Variants in POC5 observed in about 807,000 individuals in gnomAD.
POC5 encodes the protein POC5 centriolar protein.
POC5 carries 48 observed loss-of-function variants against 62.9 expected under a neutral mutation model. That is an observed-to-expected ratio of 0.76 (90% CI 0.61 to 0.97). The LOEUF (loss-of-function observed/expected upper bound fraction) is 0.97, where lower values mean the gene tolerates loss of function less well. Among genes scored for constraint, POC5 ranks in the 50% least tolerant of loss-of-function variants. The pLI is 0.00. For synonymous variants in POC5, 236 were observed against 228.2 expected (o/e 1.03, Z -0.31); for missense variants, 696 against 679.5 (o/e 1.02, Z -0.27).
chr5:75,675,390 T>C (rs377294359), intron 11 of POC5, among the ~76,000 whole-genome samples: 3 of 152,318 alleles, frequency 2.0e-5, no homozygotes, highest in East Asian at 3.9e-4. Context: ...CAATTTCTAT[T>C]AGGGTCTTCC....
chr5:75,706,352 G>A (rs1156296435), intron 3 of POC5, among the ~76,000 whole-genome samples: 2 of 152,236 alleles, frequency 1.3e-5, no homozygotes, highest in South Asian at 2.1e-4. Context: ...AATGTGGGAT[G>A]ATGAATTTAC....
intron 2 of POC5, chr5:75,712,331 T>C: frequency 6.6e-7 from 1 of 1,508,600 alleles, no homozygotes; most frequent in Non-Finnish European, 9.2e-7. Flanking sequence ...TAAGAGAAAT[T>C]TAAAACATTT....
rs118061255 is a variant in POC5 at position 75,690,737 on chromosome 5, C to T, written c.796-175G>A. ...AGGCTTAGAGAGGTTAAGCAAGCTA[C>T]GTAGTTCACATAAGTAGATGAGTAA... On this transcript the variant is annotated intron_variant, in intron 7 of 11. Transcript: ENST00000428202. Among the ~76,000 whole-genome samples the T allele has an allele frequency of 3.9e-5, 6 of 152,296 alleles. No homozygotes were observed. In the East Asian group the frequency reaches 9.6e-4, roughly 24 times the overall value.
At chr5:75,688,444 C>T (rs17649055) in intron 9 of POC5, among the ~76,000 whole-genome samples, 37,243 of 151,938 alleles carry the variant, frequency 0.25, 4,782 homozygotes, top group South Asian at 0.32. Flanking sequence ...GGCTTTTCTA[C>T]GCCATGCTGA....
intron 7 of POC5, among the ~76,000 whole-genome samples, chr5:75,691,693 A>G (rs1214477022): frequency 6.7e-6 from 1 of 149,190 alleles, no homozygotes; most frequent in South Asian, 2.2e-4. Flanking sequence ...AGCTCACATG[A>G]ATATACATGG....
Position 75,705,704 on chromosome 5 carries a change from C to A in POC5, c.307G>T (p.Glu103Ter). 1 of 1,507,374 alleles carries A rather than the reference C, an allele frequency of 6.6e-7. No homozygotes were observed. The highest frequency in any genetic ancestry group is 1.4e-5 in the African/African-American group (1 of 71,506). 93.4% of individuals were successfully genotyped at this position (1,507,374 alleles called of 1,614,324 possible). A position where few individuals can be genotyped will look rare whatever the true frequency, so the allele number is the denominator to read the frequency against. ...FHISSHSKTD[E>*]SSPVLSPRKP... The stretch of plus-strand genomic sequence containing the variant: ...CAAATAAGCTAAAGAAAAATCATAC[C>A]ATCTGTCTTTGAATGACTTGAAATA... The change falls in exon 4 of 12, where the codon GAG becomes TAG. Residue 103 changes from glutamate to a stop codon, truncating the protein, a stop_gained and splice_region_variant. Coordinates refer to ENST00000428202, the MANE Select transcript of POC5 (RefSeq NM_001099271.2). LOFTEE classifies it high-confidence loss of function.
At chr5:75,706,773 C>T (rs1479869860) in intron 3 of POC5, among the ~76,000 whole-genome samples, 1 of 152,032 alleles carries the variant, frequency 6.6e-6, no homozygotes, top group Non-Finnish European at 1.5e-5. Flanking sequence ...CTTGTCTCAA[C>T]CTCCTGGGCT....
chr5:75,695,072 C>G (rs897148753), intron 5 of POC5, among the ~76,000 whole-genome samples: 3 of 152,126 alleles, frequency 2.0e-5, no homozygotes, highest in Admixed American at 2.0e-4. Context: ...TGTATGAAAT[C>G]TTGTTGTCAC....
Position 75,674,226 on chromosome 5 carries a change from T to C in POC5, c.*209A>G. On this transcript the variant is annotated 3_prime_UTR_variant, in exon 12 of 12. Coordinates refer to ENST00000428202, the MANE Select transcript of POC5 (RefSeq NM_001099271.2). ...CTTTTTTAATTTAAAAAAGTTTTACTTAATTGCTTAAATAAAAAATAACAT... is the reference window on the plus strand; with the variant it reads ...CTTTTTTAATTTAAAAAAGTTTTACCTAATTGCTTAAATAAAAAATAACAT... 1 of 383,300 alleles carries C rather than the reference T, an allele frequency of 2.6e-6. No individual in the cohort carries two copies. The highest frequency in any genetic ancestry group is 4.5e-6 in the Non-Finnish European group (1 of 223,580). 23.7% of individuals were successfully genotyped at this position (383,300 alleles called of 1,614,324 possible).
Position 75,716,383 on chromosome 5 carries a change from T to TC in POC5, c.-15+922_-15+923insG, listed in dbSNP as rs1347540875. On this transcript the variant is annotated intron_variant, in intron 1 of 11. Transcript: ENST00000428202. ...TTTGAGACCAGGCAGGTAACAGGGG[T>TC]GGGGGGGGGGGGGTGCTGATTATTT... Among the ~76,000 whole-genome samples the TC allele has an allele frequency of 1.1e-3, 56 of 50,410 alleles. 1 individual carries two copies. The highest frequency in any genetic ancestry group is 3.5e-3 in the African/African-American group (48 of 13,874). The allele number at this position is 50,410 out of a possible 152,430, so 33.1% of individuals were successfully genotyped here. A position where few individuals can be genotyped will look rare whatever the true frequency, so the allele number is the denominator to read the frequency against.
rs779012261 is a variant in POC5 at position 75,689,172 on chromosome 5, T to C, written c.976-7A>G. 3 of 1,519,972 alleles carry C rather than the reference T, an allele frequency of 2.0e-6. No homozygotes were observed. Among genetic ancestry groups the C allele is most frequent in the African/African-American group, 2.8e-5 (2 of 71,714 alleles). The allele number at this position is 1,519,972 out of a possible 1,614,324, so 94.2% of individuals were successfully genotyped here. A position where few individuals can be genotyped will look rare whatever the true frequency, so the allele number is the denominator to read the frequency against. ...TTTCCAAAGCTCCAGATAACTAAAA[T>C]AAGAATGTTTAAAAAGCAAAACAAT... is the stretch of plus-strand genomic sequence containing the variant. On this transcript the variant is annotated splice_polypyrimidine_tract_variant and splice_region_variant and intron_variant, in intron 8 of 11. Transcript: ENST00000428202.
rs202066997 is a variant in POC5, at chr5:75,690,453, C to T, written c.905G>A (p.Arg302Lys). Residue 302 changes from arginine (R) to lysine (K), a missense_variant, in exon 8 of 12, where the codon AGA becomes AAA. Transcript: ENST00000428202. ...TTCTTCAGCTCTTGCTTGACAAGCT[C>T]TTTCTACCACATCTTTCCACTGCTT... is the stretch of plus-strand genomic sequence containing the variant. ...VQKQWKDVVE[R>K]ACQARAEEVC... The T allele has an allele frequency of 6.6e-5, 107 of 1,612,140 alleles. No individual in the cohort carries two copies. The African/African-American group carries it at 1.2e-3, about 18-fold the overall frequency.
chr5:75,710,312 T>C (rs1343269769), intron 2 of POC5, among the ~76,000 whole-genome samples: 1 of 152,210 alleles, frequency 6.6e-6, no homozygotes, highest in Non-Finnish European at 1.5e-5. Flanking sequence ...GCTAAGAATA[T>C]ATAAAAGTGT....
intron 5 of POC5, 128 bp downstream of exon 5, chr5:75,702,477 C>T: frequency 1.1e-6 from 1 of 901,756 alleles, no homozygotes. Flanking sequence ...ACTTAAGACA[C>T]TAAACTGATC....
At chr5:75,704,153 CAAAA>C (rs373819320) in intron 4 of POC5, among the ~76,000 whole-genome samples, 6 of 89,610 alleles carry the variant, frequency 6.7e-5, no homozygotes, top group Admixed American at 1.3e-4. Flanking sequence ...GACTCTGTCT[CAAAA>C]AAAAAAAAAA....
At position 75,674,478 on chromosome 5, in the gene POC5, G is replaced by A. The variant is rs1383379421; in HGVS notation, c.1685C>T (p.Thr562Ile). ...GGAATGAACACTTGTGAGAGACTGG[G>A]TGTGAGCTGATCTGGTTCCAAGTGA... ...SRSLGTRSAH[T>I]QSLTSVHSIK... The change falls in exon 12 of 12, where the codon ACC becomes ATC. Residue 562 changes from threonine (T) to isoleucine (I), a missense_variant. Physicochemically the swap from Thr to Ile is moderately conservative, Grantham distance 89. Transcript: ENST00000428202. 6.2e-7 allele frequency: 1 copy of A among 1,614,006 alleles called. No individual in the cohort carries two copies. Among genetic ancestry groups the A allele is most frequent in the South Asian group, 1.1e-5 (1 of 91,090 alleles).
chr5:75,683,463 G>A (rs1775948666), intron 10 of POC5, among the ~76,000 whole-genome samples: 1 of 151,904 alleles, frequency 6.6e-6, no homozygotes, highest in African/African-American at 2.4e-5. Flanking sequence ...TTGAACTCCT[G>A]ACCTCGTGAT....
chr5:75,682,819 T>G (rs1775922773), intron 10 of POC5, among the ~76,000 whole-genome samples: 1 of 152,174 alleles, frequency 6.6e-6, no homozygotes, highest in Non-Finnish European at 1.5e-5. Context: ...TCGGCCAATG[T>G]CTTATTTCTA....
At position 75,692,430 on chromosome 5, in the gene POC5, T is replaced by C. The variant is rs946893905; in HGVS notation, c.761A>G (p.His254Arg). The stretch of plus-strand genomic sequence containing the variant: ...GGCTCTGACATGGCCGATTCGCCAG[T>C]GGAAGAATGTTCTCATCAACTCTAT... ...EKIELMRTFF[H>R]WRIGHVRARQ... The change falls in exon 7 of 12, where the codon CAC (histidine) becomes CGC (arginine). Residue 254 changes from histidine (H) to arginine (R), a missense_variant. Coordinates refer to ENST00000428202, the MANE Select transcript of POC5 (RefSeq NM_001099271.2). 1.3e-6 allele frequency: 2 copies of C among 1,595,524 alleles called. No individual in the cohort carries two copies. Among genetic ancestry groups the C allele is most frequent in the Non-Finnish European group, 1.7e-6 (2 of 1,170,372 alleles).
Sources: allele counts gnomAD v4.1 joint callset (sites outside exome capture counted in the v4.1 genomes callset), GRCh38; gene constraint gnomAD v4.1.1; transcripts MANE v1.5; gene names NCBI Gene and HGNC (gene_info 2026-07-23, HGNC 2026-07-21).